Variants in NFIA observed in about 807,000 individuals in gnomAD.
NFIA encodes the protein nuclear factor I A, also known as nuclear factor 1 A-type.
A neutral mutation model predicts 62.8 loss-of-function variants in NFIA; 8 were observed. The observed-to-expected ratio is 0.13, with a 90% CI of 0.07 to 0.23. The LOEUF is 0.23. Ranked by LOEUF, NFIA falls within the 10% of genes least tolerant of loss-of-function variation. NFIA has a pLI of 1.00. For missense variants in NFIA, 410 were observed against 642.1 expected, an observed-to-expected ratio of 0.64 and a Z score of 3.91; for synonymous variants, 235 against 238.1, an observed-to-expected ratio of 0.99 and a Z score of 0.12.
chr1:61,181,246 T>A lies in NFIA; in HGVS notation c.559+92566T>A, dbSNP rs76817537. On this transcript the variant is annotated intron_variant, in intron 2 of 10. Coordinates refer to ENST00000403491, the MANE Select transcript of NFIA (RefSeq NM_001134673.4). ...CAATCCCCTTTATAAAGCATAAATA[T>A]GTAATTTGTTCAGCTGTTGTAATTA... 7.1e-3 allele frequency among the ~76,000 whole-genome samples: 1,089 copies of A among 152,334 alleles called. 22 individuals carry two copies. The highest frequency in any genetic ancestry group is 0.05 in the East Asian group (260 of 5,186).
intron 7 of NFIA, among the ~76,000 whole-genome samples, chr1:61,389,234 C>T (rs915409203): frequency 3.3e-5 from 5 of 152,174 alleles, no homozygotes; most frequent in Non-Finnish European, 7.3e-5. Flanking sequence ...GAGGTCACAG[C>T]ATGGGCGCTG....
chr1:61,178,883 G>A (rs78405370), intron 2 of NFIA, among the ~76,000 whole-genome samples: 3,388 of 152,234 alleles, frequency 0.022, 137 homozygotes, highest in African/African-American at 0.078. Context: ...ACTCAATAAC[G>A]GATGCCCTAA....
At chr1:61,316,478 A>G (rs1660372503) in intron 3 of NFIA, among the ~76,000 whole-genome samples, 1 of 152,070 alleles carries the variant, frequency 6.6e-6, no homozygotes, top group Non-Finnish European at 1.5e-5. Context: ...GTGTGAGGGC[A>G]TTTTTGGTGC....
chr1:61,426,387 G>A (rs1666868874), intron 9 of NFIA, 78 bp from the exon 10 acceptor site: 1 of 971,584 alleles, frequency 1.0e-6, no homozygotes, highest in South Asian at 1.4e-5. Flanking sequence ...CGTCGGCTCG[G>A]AGACTGTGTG....
chr1:61,320,094 C>G lies in NFIA; in HGVS notation c.626-12418C>G, dbSNP rs139664328. Among the ~76,000 whole-genome samples the G allele has an allele frequency of 7.2e-4, 110 of 151,942 alleles. 2 individuals are homozygous for G. The highest frequency in any genetic ancestry group is 6.2e-3 in the East Asian group (32 of 5,172). ...AATATTGGCCCTTTTCTCTTCCAAC[C>G]ACTCCCATTCTACTTCTTTTTTTTT... On this transcript the variant is annotated intron_variant, in intron 3 of 10. Transcript: ENST00000403491.
chr1:61,155,621 C>T lies in NFIA; in HGVS notation c.559+66941C>T, dbSNP rs963250856. On this transcript the variant is annotated intron_variant, in intron 2 of 10. Coordinates refer to ENST00000403491, the MANE Select transcript of NFIA (RefSeq NM_001134673.4). ...CCGGGAAGCGGAGCTTGCAGTGAGC[C>T]GAGATTGCGCCACTGCAGTCCGCAG... Among the ~76,000 whole-genome samples, 6 of 127,866 alleles carry T rather than the reference C, an allele frequency of 4.7e-5. No homozygotes were observed. In the Admixed American group the frequency reaches 4.9e-4, roughly 11 times the overall value. The allele number at this position is 127,866 out of a possible 152,430, so 83.9% of individuals were successfully genotyped here.
intron 9 of NFIA, among the ~76,000 whole-genome samples, chr1:61,418,570 ATGTG>A (rs1326477539): frequency 2.0e-5 from 3 of 152,210 alleles, no homozygotes; most frequent in Non-Finnish European, 4.4e-5. Flanking sequence ...ATCATGATAT[ATGTG>A]TGTATTATAC....
upstream of NFIA, among the ~76,000 whole-genome samples, chr1:61,080,121 G>A (rs1455041426): frequency 2.0e-5 from 3 of 152,100 alleles, no homozygotes; most frequent in Admixed American, 6.5e-5. Context: ...CTTGCCTAGA[G>A]GGCGCAAACA....
intron 2 of NFIA, among the ~76,000 whole-genome samples, chr1:61,249,584 T>G (rs901354580): frequency 6.6e-6 from 1 of 152,134 alleles, no homozygotes; most frequent in Non-Finnish European, 1.5e-5. Flanking sequence ...GTAGATCACT[T>G]GAGGTCAGGA....
At chr1:61,413,256 C>T (rs1406409835) in intron 9 of NFIA, among the ~76,000 whole-genome samples, 3 of 152,068 alleles carry the variant, frequency 2.0e-5, no homozygotes, top group Non-Finnish European at 2.9e-5. Flanking sequence ...AATATGAATT[C>T]GTTAGCCAAG....
rs376395083 is a variant in NFIA, at chr1:61,341,929, A to G, written c.700+9343A>G. Among the ~76,000 whole-genome samples, 190 of 152,310 alleles carry G rather than the reference A, an allele frequency of 1.2e-3. 1 individual carries two copies. Among genetic ancestry groups the G allele is most frequent in the African/African-American group, 4.2e-3 (175 of 41,574 alleles). On this transcript the variant is annotated intron_variant, in intron 4 of 10. Coordinates refer to ENST00000403491, the MANE Select transcript of NFIA (RefSeq NM_001134673.4). Reference sequence around the variant, plus strand: ...GAGAAATCCTATATTACCCTGCAGTAGGGCCACAAATATTATTGAGATTTG... The same window carrying G: ...GAGAAATCCTATATTACCCTGCAGTGGGGCCACAAATATTATTGAGATTTG...
At chr1:61,285,860 T>A (rs1041951974) in intron 3 of NFIA, among the ~76,000 whole-genome samples, 7 of 152,126 alleles carry the variant, frequency 4.6e-5, no homozygotes, top group African/African-American at 1.4e-4. Context: ...TAGGAATAGC[T>A]TTTCAACAAT....
At chr1:61,422,629 G>A (rs980464376) in intron 9 of NFIA, among the ~76,000 whole-genome samples, 2 of 151,858 alleles carry the variant, frequency 1.3e-5, no homozygotes, top group African/African-American at 4.8e-5. Context: ...AGGGACATCC[G>A]CCATGATAAA....
At chr1:61,292,916 C>T (rs1303740700) in intron 3 of NFIA, among the ~76,000 whole-genome samples, 2 of 152,146 alleles carry the variant, frequency 1.3e-5, no homozygotes, top group African/African-American at 4.8e-5. Flanking sequence ...TATAGATCTT[C>T]CCCCAAGTCG....
upstream of NFIA, chr1:61,081,896 G>A: frequency 3.2e-6 from 5 of 1,546,042 alleles, no homozygotes; most frequent in Non-Finnish European, 3.5e-6. Context: ...TTCAGTGGGG[G>A]AAAAAAAGTT....
At chr1:61,227,741 G>T (rs1244312933) in intron 2 of NFIA, among the ~76,000 whole-genome samples, 3 of 152,316 alleles carry the variant, frequency 2.0e-5, no homozygotes, top group Admixed American at 2.0e-4. Context: ...GAAGGTAGAT[G>T]AAGTAACCAG....
At chr1:61,427,335 G>A (rs1387717372) in intron 10 of NFIA, among the ~76,000 whole-genome samples, 1 of 152,188 alleles carries the variant, frequency 6.6e-6, no homozygotes, top group East Asian at 1.9e-4. Flanking sequence ...TTAGAGGTTT[G>A]TGAAATAGAA....
chr1:61,428,382 ATTT>A (rs34309622), intron 10 of NFIA, among the ~76,000 whole-genome samples: 1 of 135,932 alleles, frequency 7.4e-6, no homozygotes. Flanking sequence ...CTGGAACTGA[ATTT>A]TTTTTTTTTT....
At chr1:61,420,988 C>T (rs1410958118) in intron 9 of NFIA, among the ~76,000 whole-genome samples, 2 of 152,176 alleles carry the variant, frequency 1.3e-5, no homozygotes, top group Admixed American at 6.5e-5. Context: ...TCCTTTCCCT[C>T]CACAATTGCC....
Sources: allele counts gnomAD v4.1 joint callset (sites outside exome capture counted in the v4.1 genomes callset), GRCh38; gene constraint gnomAD v4.1.1; transcripts MANE v1.5; gene names NCBI Gene and HGNC (gene_info 2026-07-23, HGNC 2026-07-21).